The following SDK1 variants were observed in gnomAD, a reference collection of about 807,000 sequenced individuals.
SDK1 encodes the protein sidekick cell adhesion molecule 1, also known as protein sidekick-1.
In SDK1, 157 loss-of-function variants were observed where a neutral mutation model predicts 245.5. That is an observed-to-expected ratio of 0.64 (90% CI 0.56 to 0.73). The LOEUF is 0.73. Among genes scored for constraint, SDK1 ranks in the 30% least tolerant of loss-of-function variants. The pLI is 0.00. For missense variants in SDK1, 3,583 were observed against 3,002.3 expected (o/e 1.19, Z -4.52); for synonymous variants, 1,647 against 1,278.5 (o/e 1.29, Z -6.15).
chr7:3,367,413 C>G (rs113627764), intron 1 of SDK1, among the ~76,000 whole-genome samples: 1,571 of 152,288 alleles, frequency 0.01, 23 homozygotes, highest in African/African-American at 0.035. Flanking sequence ...GACTATATTT[C>G]AAGCCAACTG....
intron 5 of SDK1, among the ~76,000 whole-genome samples, chr7:3,921,502 C>T (rs1216656409): frequency 1.3e-5 from 2 of 152,172 alleles, no homozygotes; most frequent in Non-Finnish European, 2.9e-5. Context: ...TTGTGTTACA[C>T]GATGTTCTAG....
chr7:4,223,542 C>G (rs1054883083), intron 40 of SDK1, among the ~76,000 whole-genome samples: 4 of 152,204 alleles, frequency 2.6e-5, no homozygotes, highest in Non-Finnish European at 4.4e-5. Context: ...GGTGCTTCAC[C>G]CATCTCTGCC....
At chr7:3,552,761 A>G (rs138200923) in intron 1 of SDK1, among the ~76,000 whole-genome samples, 46 of 152,304 alleles carry the variant, frequency 3.0e-4, no homozygotes, top group Middle Eastern at 6.8e-3. Flanking sequence ...AGACTTTGAA[A>G]TAATCATTAC....
At chr7:3,477,376 A>T (rs1291621767) in intron 1 of SDK1, among the ~76,000 whole-genome samples, 4 of 149,076 alleles carry the variant, frequency 2.7e-5, no homozygotes, top group Admixed American at 6.7e-5. Flanking sequence ...TTGTATTTTT[A>T]GTAGAGATGG....
At chr7:3,344,135 G>T (rs1780431441) in intron 1 of SDK1, among the ~76,000 whole-genome samples, 1 of 152,090 alleles carries the variant, frequency 6.6e-6, no homozygotes, top group Admixed American at 6.5e-5. Context: ...TGAAAACTGT[G>T]TGCAGGGGAA....
At chr7:3,556,951 C>G (rs1304485846) in intron 1 of SDK1, among the ~76,000 whole-genome samples, 1 of 151,870 alleles carries the variant, frequency 6.6e-6, no homozygotes, top group Non-Finnish European at 1.5e-5. Context: ...TCATGTACCC[C>G]TTAAATATTT....
chr7:3,582,705 A>C (rs906909492), intron 1 of SDK1, among the ~76,000 whole-genome samples: 1 of 148,816 alleles, frequency 6.7e-6, no homozygotes, highest in African/African-American at 2.5e-5. Flanking sequence ...AAAAAAAAAA[A>C]AAAAGGTACC....
At chr7:3,900,817 A>C (rs1017958864) in intron 5 of SDK1, among the ~76,000 whole-genome samples, 2 of 152,082 alleles carry the variant, frequency 1.3e-5, no homozygotes, top group South Asian at 4.1e-4. Flanking sequence ...TGTTGCAGAC[A>C]TTCCTCCCTA....
chr7:3,500,648 C>T (rs141872085), intron 1 of SDK1, among the ~76,000 whole-genome samples: 314 of 150,832 alleles, frequency 2.1e-3, no homozygotes, highest in African/African-American at 7.2e-3. Context: ...CCTTTGTGCT[C>T]GGTACTCAGT....
At chr7:3,619,270 A>G (rs777901798) in intron 2 of SDK1, 31 bp downstream of exon 2, 4 of 1,581,032 alleles carry the variant, frequency 2.5e-6, no homozygotes, top group East Asian at 4.5e-5. Context: ...ATAAGATCCC[A>G]TTTCAGTTGA....
chr7:3,390,524 G>A (rs1781722815), intron 1 of SDK1, among the ~76,000 whole-genome samples: 1 of 152,110 alleles, frequency 6.6e-6, no homozygotes, highest in Non-Finnish European at 1.5e-5. Flanking sequence ...GAGTTTATTT[G>A]GAAATTGGGC....
intron 1 of SDK1, among the ~76,000 whole-genome samples, chr7:3,403,835 A>AT (rs1358666131): frequency 2.0e-5 from 1 of 51,260 alleles, no homozygotes; most frequent in African/African-American, 2.0e-4. Context: ...ATATATATAT[A>AT]TATATATATA....
intron 1 of SDK1, among the ~76,000 whole-genome samples, chr7:3,452,612 A>G (rs533422374): frequency 5.9e-5 from 9 of 152,322 alleles, no homozygotes; most frequent in Non-Finnish European, 1.3e-4. Flanking sequence ...TCTTGCTAAT[A>G]GTGAAAGATG....
intron 17 of SDK1, among the ~76,000 whole-genome samples, chr7:4,032,591 G>A (rs2342494): frequency 0.24 from 37,151 of 151,980 alleles, 6,404 homozygotes; most frequent in African/African-American, 0.5. Context: ...ATGATATCTG[G>A]AAACTACTAT....
intron 1 of SDK1, among the ~76,000 whole-genome samples, chr7:3,471,594 T>C (rs1781184195): frequency 6.6e-6 from 1 of 152,204 alleles, no homozygotes; most frequent in African/African-American, 2.4e-5. Flanking sequence ...ATTTACACTA[T>C]GTTTTCAGTT....
intron 1 of SDK1, among the ~76,000 whole-genome samples, chr7:3,515,267 C>T (rs1399553482): frequency 6.6e-6 from 1 of 152,052 alleles, no homozygotes; most frequent in Non-Finnish European, 1.5e-5. Context: ...GGAAAGAGTT[C>T]TGTATTTTAG....
chr7:4,016,879 A>G (rs60507956), intron 16 of SDK1, among the ~76,000 whole-genome samples: 2 of 152,202 alleles, frequency 1.3e-5, no homozygotes, highest in Non-Finnish European at 2.9e-5. Context: ...TTTTCGTCCT[A>G]AGTCACTGTA....
chr7:3,780,048 G>A (rs1434252526), intron 4 of SDK1, among the ~76,000 whole-genome samples: 1 of 151,966 alleles, frequency 6.6e-6, no homozygotes, highest in East Asian at 1.9e-4. Context: ...AGGTGAACTT[G>A]CAGCTGTCCA....
chr7:3,776,662 A>G (rs377115035), intron 4 of SDK1, among the ~76,000 whole-genome samples: 1 of 152,056 alleles, frequency 6.6e-6, no homozygotes, highest in Admixed American at 6.5e-5. Context: ...ACAGTAACTG[A>G]CCTATAAAAC....
Sources: gnomAD v4.1 joint callset for allele counts (sites outside exome capture counted in the v4.1 genomes callset) on GRCh38, gnomAD v4.1.1 for gene constraint, MANE v1.5 for transcripts, NCBI Gene and HGNC (gene_info 2026-07-23, HGNC 2026-07-21) for gene names.